The following ITGA9 variants were observed in gnomAD, a reference collection of about 807,000 sequenced individuals.
ITGA9 encodes integrin subunit alpha 9.
Under a neutral mutation model 127.8 loss-of-function variants are expected in ITGA9, and 56 were observed. The observed-to-expected ratio is 0.44, with a 90% CI of 0.35 to 0.55. The LOEUF (loss-of-function observed/expected upper bound fraction) is 0.55, where lower values mean the gene tolerates loss of function less well. Ranked by LOEUF, ITGA9 falls within the 20% of genes least tolerant of loss-of-function variation. The pLI, the probability that ITGA9 is intolerant of heterozygous loss-of-function variation, is 0.00. For synonymous variants in ITGA9, 508 were observed against 514.5 expected, an observed-to-expected ratio of 0.99 and a Z score of 0.17; for missense variants, 1,196 against 1,347.1, an observed-to-expected ratio of 0.89 and a Z score of 1.76.
intron 1 of ITGA9, among the ~76,000 whole-genome samples, chr3:37,457,882 A>G (rs965525767): frequency 6.6e-6 from 1 of 152,206 alleles, no homozygotes; most frequent in Non-Finnish European, 1.5e-5. Flanking sequence ...TGTCTCAACC[A>G]GTCATTAACG....
At chr3:37,686,432 A>G (rs969705695) in intron 18 of ITGA9, among the ~76,000 whole-genome samples, 1 of 152,144 alleles carries the variant, frequency 6.6e-6, no homozygotes, top group Non-Finnish European at 1.5e-5. Flanking sequence ...GTCATTGGCC[A>G]CTGGAGGGAC....
At chr3:37,732,857 A>C in intron 19 of ITGA9, 59 bp downstream of exon 19, 4 of 1,333,628 alleles carry the variant, frequency 3.0e-6, no homozygotes, top group South Asian at 1.2e-5. Context: ...TCCACCAGCC[A>C]CTGATTCCGC....
At chr3:37,504,623 C>T (rs1264616721) in intron 6 of ITGA9, among the ~76,000 whole-genome samples, 4 of 152,130 alleles carry the variant, frequency 2.6e-5, no homozygotes, top group Admixed American at 2.6e-4. Flanking sequence ...GAAGAAAGCC[C>T]AGTTTGGATG....
chr3:37,491,886 C>T (rs569024163), intron 4 of ITGA9, among the ~76,000 whole-genome samples: 29 of 152,092 alleles, frequency 1.9e-4, no homozygotes, highest in Non-Finnish European at 3.7e-4. Context: ...ATGAAGGAAT[C>T]AGGTTAAAAT....
intron 4 of ITGA9, among the ~76,000 whole-genome samples, chr3:37,485,099 G>C (rs542693205): frequency 1.3e-5 from 2 of 152,160 alleles, no homozygotes; most frequent in African/African-American, 2.4e-5. Context: ...GAGGGGACAG[G>C]GTGTTTTAAA....
intron 5 of ITGA9, among the ~76,000 whole-genome samples, chr3:37,502,282 T>C (rs1698794554): frequency 6.6e-6 from 1 of 150,868 alleles, no homozygotes; most frequent in Non-Finnish European, 1.5e-5. Context: ...TGGCATGGTC[T>C]TGGCTCACTG....
intron 14 of ITGA9, among the ~76,000 whole-genome samples, chr3:37,538,573 C>T (rs1007759737): frequency 3.9e-5 from 6 of 152,230 alleles, no homozygotes; most frequent in Admixed American, 6.5e-5. Flanking sequence ...CGGCTGTGGG[C>T]AACTTGGACA....
In ITGA9 at chr3:37,814,945, C is replaced by T. The variant is rs1697412328; in HGVS notation, c.3010-3946C>T. Among the ~76,000 whole-genome samples the T allele has an allele frequency of 1.3e-5, 2 of 152,134 alleles. No individual in the cohort carries two copies. The highest frequency in any genetic ancestry group is 4.1e-4 in the South Asian group (2 of 4,824). On this transcript the variant is annotated intron_variant, in intron 27 of 27. Transcript: ENST00000264741. The surrounding 1 kb of genome is among the most constrained non-coding windows in gnomAD (Gnocchi z 4.3). ...ATCAGTGGTAGCTCTGATCTCCCAT[C>T]CAAGAGATTACGCATAGGCTGTGTT... is the stretch of plus-strand genomic sequence containing the variant.
At chr3:37,487,750 G>T (rs566388205) in intron 4 of ITGA9, among the ~76,000 whole-genome samples, 122 of 152,166 alleles carry the variant, frequency 8.0e-4, no homozygotes, top group Non-Finnish European at 1.2e-3. Flanking sequence ...TGTGTAGTAG[G>T]TTTCTTTGTA....
rs1356609809 is a variant in ITGA9, at chr3:37,819,085, C to T, written c.*96C>T. ...AGAAAAAAATCTTCTCCAGATTTTT[C>T]GGAGGCCCCACTGATGCTGTTCTCT... On this transcript the variant is annotated 3_prime_UTR_variant, in exon 28 of 28. Transcript: ENST00000264741. 14 of 937,292 alleles carry T rather than the reference C, an allele frequency of 1.5e-5. No homozygotes were observed. The highest frequency in any genetic ancestry group is 2.8e-5 in the South Asian group (2 of 72,622). The allele number at this position is 937,292 out of a possible 1,614,324, so 58.1% of individuals were successfully genotyped here. A position where few individuals can be genotyped will look rare whatever the true frequency, so the allele number is the denominator to read the frequency against.
chr3:37,487,249 G>A (rs1698619242), intron 4 of ITGA9, among the ~76,000 whole-genome samples: 1 of 152,116 alleles, frequency 6.6e-6, no homozygotes, highest in Non-Finnish European at 1.5e-5. Context: ...TAAATAAATA[G>A]AGCAAATTAA....
intron 15 of ITGA9, among the ~76,000 whole-genome samples, chr3:37,609,846 G>T (rs1318812211): frequency 6.6e-6 from 1 of 152,180 alleles, no homozygotes; most frequent in Non-Finnish European, 1.5e-5. Context: ...CTGGGCCTGA[G>T]ACCCCCAGCA....
chr3:37,531,239 G>A (rs550305339), intron 13 of ITGA9, among the ~76,000 whole-genome samples: 63 of 152,218 alleles, frequency 4.1e-4, no homozygotes, highest in Admixed American at 6.5e-4. Context: ...GATTAGCTCC[G>A]GGGCAGGTCC....
At chr3:37,723,534 G>A (rs1405104226) in intron 18 of ITGA9, among the ~76,000 whole-genome samples, 1 of 152,032 alleles carries the variant, frequency 6.6e-6, no homozygotes, top group Non-Finnish European at 1.5e-5. Flanking sequence ...GCTAATTTTT[G>A]TGTTTTTAGT....
chr3:37,465,668 A>C (rs922690472), intron 1 of ITGA9, among the ~76,000 whole-genome samples: 1 of 152,224 alleles, frequency 6.6e-6, no homozygotes, highest in Non-Finnish European at 1.5e-5. Context: ...TTGGAAAAGC[A>C]AGGTGATTGA....
At chr3:37,558,366 G>C (rs1259545722) in intron 15 of ITGA9, among the ~76,000 whole-genome samples, 1 of 152,158 alleles carries the variant, frequency 6.6e-6, no homozygotes, top group African/African-American at 2.4e-5. Flanking sequence ...AGATTAAAAA[G>C]ACTGGGCCCT....
At chr3:37,652,777 A>G (rs903866681) in intron 16 of ITGA9, among the ~76,000 whole-genome samples, 2 of 152,222 alleles carry the variant, frequency 1.3e-5, no homozygotes, top group African/African-American at 4.8e-5. Context: ...CTTCTCTCCA[A>G]ATTCCACTGA....
chr3:37,675,431 C>G (rs565431351), intron 17 of ITGA9, among the ~76,000 whole-genome samples: 11 of 152,288 alleles, frequency 7.2e-5, no homozygotes, highest in African/African-American at 2.6e-4. Context: ...GGAACCACCT[C>G]TGGAATAAAC....
intron 15 of ITGA9, among the ~76,000 whole-genome samples, chr3:37,593,857 G>A (rs1000889939): frequency 1.3e-5 from 2 of 150,096 alleles, no homozygotes; most frequent in Non-Finnish European, 3.0e-5. Context: ...TGCTGTCCTC[G>A]TGTGGACACA....
Sources: gnomAD v4.1 joint callset for allele counts (sites outside exome capture counted in the v4.1 genomes callset) on GRCh38, gnomAD v4.1.1 for gene constraint, Gnocchi (gnomAD v3.1) non-coding constraint, MANE v1.5 for transcripts, NCBI Gene and HGNC (gene_info 2026-07-23, HGNC 2026-07-21) for gene names.